RUBCNL: variants seen among roughly 807,000 people sequenced by gnomAD.
RUBCNL encodes the protein rubicon like autophagy enhancer, also known as protein associated with UVRAG as autophagy enhancer.
A neutral mutation model predicts 69.5 loss-of-function variants in RUBCNL; 62 were observed. The ratio of observed to expected loss-of-function variants is 0.89; its 90% confidence interval spans 0.73 to 1.10. The LOEUF (loss-of-function observed/expected upper bound fraction) is 1.10. Among genes scored for constraint, RUBCNL ranks in the 50% least tolerant of loss-of-function variants. The pLI, the probability that RUBCNL is intolerant of heterozygous loss-of-function variation, is 0.00. For synonymous variants in RUBCNL, 291 were observed against 303.6 expected (o/e 0.96, Z 0.43); for missense variants, 768 against 798.1 (o/e 0.96, Z 0.45).
At chr13:46,348,731 G>A (rs1226068482) in intron 12 of RUBCNL, among the ~76,000 whole-genome samples, 3 of 151,644 alleles carry the variant, frequency 2.0e-5, no homozygotes, top group Non-Finnish European at 4.4e-5. Flanking sequence ...AGCCTCCCAA[G>A]TAGCTGGGAC....
At chr13:46,371,106 G>A (rs1476023435) in intron 3 of RUBCNL, among the ~76,000 whole-genome samples, 1 of 152,144 alleles carries the variant, frequency 6.6e-6, no homozygotes, top group Non-Finnish European at 1.5e-5. Context: ...CCATATTTTA[G>A]GTAAGGGGGA....
intron 3 of RUBCNL, 53 bp from the exon 4 acceptor site, chr13:46,368,868 C>T (rs1273044096): frequency 1.5e-6 from 2 of 1,296,012 alleles, no homozygotes; most frequent in Admixed American, 4.1e-5. Flanking sequence ...TAAAGATTAC[C>T]TAATAAAATA....
intron 5 of RUBCNL, 47 bp downstream of exon 5, chr13:46,367,995 T>C (rs182836816): frequency 9.7e-6 from 15 of 1,545,598 alleles, no homozygotes; most frequent in Middle Eastern, 1.7e-4. Context: ...AGAGGAGATA[T>C]ATGTGAAACA....
At chr13:46,345,252 T>G (rs530250095) in intron 13 of RUBCNL, among the ~76,000 whole-genome samples, 195 bp downstream of exon 13, 1 of 152,316 alleles carries the variant, frequency 6.6e-6, no homozygotes, top group Admixed American at 6.5e-5. Flanking sequence ...GGTCCAGGCT[T>G]GCATCCCGGC....
In RUBCNL at chr13:46,376,063, T is replaced by C. The variant is rs148035538; in HGVS notation, c.-123+1827A>G. ...ATGACATTTTCTTTCCTCTGCTTTATTGTAAGAATGCTTATATAGTATTAT... is the reference window on the plus strand; with the variant it reads ...ATGACATTTTCTTTCCTCTGCTTTACTGTAAGAATGCTTATATAGTATTAT... On this transcript the variant is annotated intron_variant, in intron 2 of 14. Coordinates refer to ENST00000429979, the MANE Select transcript of RUBCNL (RefSeq NM_025113.5). Among the ~76,000 whole-genome samples, 360 of 152,346 alleles carry C rather than the reference T, an allele frequency of 2.4e-3. 2 individuals carry two copies. Among genetic ancestry groups the C allele is most frequent in the African/African-American group, 8.2e-3 (341 of 41,580 alleles).
chr13:46,356,560 T>C (rs1158010420), intron 9 of RUBCNL, 64 bp from the exon 10 acceptor site: 2 of 1,408,920 alleles, frequency 1.4e-6, no homozygotes, highest in South Asian at 1.2e-5. Context: ...TTTCACTAAT[T>C]AGAAAAGAAA....
At chr13:46,377,301 T>C (rs757513032) in intron 2 of RUBCNL, among the ~76,000 whole-genome samples, 1 of 152,260 alleles carries the variant, frequency 6.6e-6, no homozygotes, top group Admixed American at 6.5e-5. Flanking sequence ...TCTCGATCTG[T>C]TGCCCAGGCT....
In RUBCNL at chr13:46,354,542, T is replaced by C. The variant is rs562471535; in HGVS notation, c.1330+1890A>G. ...CTGGGCCCCGCCTACATCTGCAGCA[T>C]GTTTTCTCCTCCTATTCTTACTCTC... On this transcript the variant is annotated intron_variant, in intron 10 of 14. Transcript: ENST00000429979. Among the ~76,000 whole-genome samples the C allele has an allele frequency of 2.0e-5, 3 of 152,342 alleles. No individual in the cohort carries two copies. In the East Asian group the frequency reaches 5.8e-4, roughly 29 times the overall value.
At chr13:46,349,678 A>T (rs1371273370) in intron 11 of RUBCNL, among the ~76,000 whole-genome samples, 2 of 141,880 alleles carry the variant, frequency 1.4e-5, no homozygotes, top group South Asian at 2.3e-4. Context: ...AGCTTCACTA[A>T]TTTTTTTTTT....
intron 2 of RUBCNL, among the ~76,000 whole-genome samples, chr13:46,374,048 C>A (rs151113888): frequency 6.9e-4 from 105 of 152,338 alleles, no homozygotes; most frequent in African/African-American, 2.4e-3. Context: ...CTGTCTTAGT[C>A]TGAGTTACCG....
chr13:46,344,971 C>A, intron 13 of RUBCNL, 140 bp from the exon 14 acceptor site: 3 of 621,342 alleles, frequency 4.8e-6, no homozygotes, highest in Non-Finnish European at 5.7e-6. Context: ...TGTTTTGCAG[C>A]AATGAATGGG....
intron 5 of RUBCNL, among the ~76,000 whole-genome samples, chr13:46,366,711 T>A (rs1418425306): frequency 6.6e-6 from 1 of 152,190 alleles, no homozygotes; most frequent in Non-Finnish European, 1.5e-5. Context: ...AAAGCAAGCT[T>A]CAGTGGTTTT....
chr13:46,368,099 CAA>C lies in RUBCNL; in HGVS notation c.767_768del (p.Phe256Ter). 2 of 1,613,964 alleles carry C rather than the reference CAA, an allele frequency of 1.2e-6. No individual in the cohort carries two copies. Among genetic ancestry groups the C allele is most frequent in the East Asian group, 4.5e-5 (2 of 44,870 alleles). ...CCAGACTCTTGCTTTATGTTGGTAT[CAA>C]AAGTCATTTCAGAGTCAGGCTGATC... ...GSDQPDSEMT[F>X]DTNIKQESGS... On this transcript the variant is annotated frameshift_variant, in exon 5 of 15. Coordinates refer to ENST00000429979, the MANE Select transcript of RUBCNL (RefSeq NM_025113.5). LOFTEE classifies it high-confidence loss of function.
At chr13:46,359,916 C>G (rs545798432) in intron 8 of RUBCNL, among the ~76,000 whole-genome samples, 7 of 152,264 alleles carry the variant, frequency 4.6e-5, no homozygotes, top group African/African-American at 1.7e-4. Context: ...ACCTGGAATG[C>G]ATTTATGAAT....
At position 46,350,148 on chromosome 13, in the gene RUBCNL, G is replaced by A. The variant is rs750301004; in HGVS notation, c.1534C>T (p.Leu512=). 5.1e-6 allele frequency: 8 copies of A among 1,578,996 alleles called. No homozygotes were observed. In the African/African-American group the frequency reaches 9.4e-5, roughly 19 times the overall value. Residue 512 remains leucine, a synonymous_variant, in exon 11 of 15, where the codon CTG becomes TTG. Transcript: ENST00000429979. The part of the protein sequence containing the change: ...IFNLLSIGQS[L]YAKAKELDRV... ...TCCAGCTCCTTGGCTTTCGCATACA[G>A]GCTTTGGCCGATGCTCAGCAAATTG...
At position 46,339,515 on chromosome 13, in the gene RUBCNL, A is replaced by T. The variant is rs926422645; in HGVS notation, c.*3870T>A. Among the ~76,000 whole-genome samples, 3 of 152,146 alleles carry T rather than the reference A, an allele frequency of 2.0e-5. No homozygotes were observed. The highest frequency in any genetic ancestry group is 4.4e-5 in the Non-Finnish European group (3 of 68,018). On this transcript the variant is annotated 3_prime_UTR_variant, in exon 15 of 15. Transcript: ENST00000429979. ...CTGACATGTCTACCACGTTCCTTCC[A>T]GCAGGTTTGAATTCCGAAGTCTCAG...
intron 10 of RUBCNL, chr13:46,354,842 C>A (rs1216729103): frequency 2.2e-6 from 1 of 456,748 alleles, no homozygotes; most frequent in South Asian, 1.5e-5. Flanking sequence ...AGTGCAGACA[C>A]ACATCTCCAT....
chr13:46,351,408 T>C (rs1161909426), intron 10 of RUBCNL, among the ~76,000 whole-genome samples: 1 of 152,244 alleles, frequency 6.6e-6, no homozygotes, highest in Non-Finnish European at 1.5e-5. Context: ...CTAGCACTGA[T>C]AGAACTAATT....
chr13:46,338,763 T>C lies in RUBCNL; in HGVS notation c.*4622A>G, dbSNP rs754310519. On this transcript the variant is annotated 3_prime_UTR_variant, in exon 15 of 15. Transcript: ENST00000429979. The stretch of plus-strand genomic sequence containing the variant: ...GGAAGCACAAGCAGAGGCCAGAAAA[T>C]GTTCAAGGAAGGGCTGGGCGCGGTG... Among the ~76,000 whole-genome samples, 1 of 151,420 alleles carries C rather than the reference T, an allele frequency of 6.6e-6. No individual in the cohort carries two copies. Among genetic ancestry groups the C allele is most frequent in the African/African-American group, 2.4e-5 (1 of 41,184 alleles).
Sources: allele counts gnomAD v4.1 joint callset (sites outside exome capture counted in the v4.1 genomes callset), GRCh38; gene constraint gnomAD v4.1.1; transcripts MANE v1.5; gene names NCBI Gene and HGNC (gene_info 2026-07-23, HGNC 2026-07-21).